The following AFF2 variants were observed in gnomAD, a reference collection of about 807,000 sequenced individuals.
The protein encoded by AFF2 is AF4/FMR2 family member 2.
AFF2 carries 14 observed loss-of-function variants against 76.9 expected under a neutral mutation model. The ratio of observed to expected loss-of-function variants is 0.18; its 90% CI spans 0.12 to 0.28. AFF2 has a LOEUF of 0.28. Among genes scored for constraint, AFF2 ranks in the 10% least tolerant of loss-of-function variants. The pLI is 1.00. For synonymous variants in AFF2, 398 were observed against 366.7 expected, an observed-to-expected ratio of 1.09 and a Z score of -0.98; for missense variants, 868 against 1,001.1, an observed-to-expected ratio of 0.87 and a Z score of 1.79.
At chrX:148,656,757 C>T (rs1453888199) in intron 2 of AFF2, among the ~76,000 whole-genome samples, 3 of 110,422 alleles carry the variant, frequency 2.7e-5, no homozygotes, top group Non-Finnish European at 5.7e-5. Flanking sequence ...GCCTCGGCCT[C>T]CCAAAGTGCT....
chrX:148,860,747 G>A (rs2070838427), intron 7 of AFF2, among the ~76,000 whole-genome samples: 1 of 111,669 alleles, frequency 9.0e-6, no homozygotes. Context: ...ACATTATATG[G>A]CTTTTCTACT....
chrX:148,928,541 T>A (rs1453360141), intron 9 of AFF2, among the ~76,000 whole-genome samples: 1 of 112,249 alleles, frequency 8.9e-6, no homozygotes, highest in Non-Finnish European at 1.9e-5. Context: ...AATTTGGGAG[T>A]CATCCCGGGA....
intron 7 of AFF2, among the ~76,000 whole-genome samples, chrX:148,856,777 T>C (rs1003065376): frequency 8.9e-6 from 1 of 112,746 alleles, no homozygotes; most frequent in Non-Finnish European, 1.9e-5. Flanking sequence ...ATAACAAGCA[T>C]GTTGTCAATT....
chrX:148,657,110 A>G (rs2054261451), intron 2 of AFF2, among the ~76,000 whole-genome samples: 1 of 111,526 alleles, frequency 9.0e-6, no homozygotes, highest in African/African-American at 3.3e-5. Context: ...TGCACAGAGG[A>G]TTATTAAATG....
At chrX:148,564,230 C>T (rs2053144337) in intron 1 of AFF2, among the ~76,000 whole-genome samples, 1 of 111,261 alleles carries the variant, frequency 9.0e-6, no homozygotes, top group African/African-American at 3.3e-5. Context: ...CCTTTGAATT[C>T]AATCCCAGAT....
intron 3 of AFF2, among the ~76,000 whole-genome samples, chrX:148,788,521 G>A (rs1432558965): frequency 8.9e-6 from 1 of 111,960 alleles, no homozygotes; most frequent in Non-Finnish European, 1.9e-5. Context: ...CCTTCCCACT[G>A]TCCTGCCTCT....
chrX:148,703,537 G>C (rs1215801128), intron 3 of AFF2, among the ~76,000 whole-genome samples: 3 of 112,182 alleles, frequency 2.7e-5, no homozygotes, highest in Non-Finnish European at 3.8e-5. Flanking sequence ...TATTCTAGGT[G>C]AGGCATGGAT....
At chrX:148,620,830 C>T (rs1312283121) in intron 1 of AFF2, among the ~76,000 whole-genome samples, 1 of 111,676 alleles carries the variant, frequency 9.0e-6, no homozygotes, top group Non-Finnish European at 1.9e-5. Context: ...TCATGAAAAC[C>T]TTTTATCAGA....
chrX:148,879,114 A>G (rs1206359171), intron 7 of AFF2, among the ~76,000 whole-genome samples: 1 of 112,016 alleles, frequency 8.9e-6, no homozygotes, highest in Non-Finnish European at 1.9e-5. Flanking sequence ...ATATAGACAT[A>G]GATTCATATG....
At chrX:148,860,510 A>C (rs944913165) in intron 7 of AFF2, among the ~76,000 whole-genome samples, 6 of 111,819 alleles carry the variant, frequency 5.4e-5, no homozygotes, top group Non-Finnish European at 1.1e-4. Flanking sequence ...TGAATAGAGC[A>C]AAATGACGCT....
In AFF2 at chrX:148,741,446, A is replaced by G. The variant is rs1603292317; in HGVS notation, c.1042-68430A>G. On this transcript the variant is annotated intron_variant, in intron 3 of 20. Coordinates refer to ENST00000370460, the MANE Select transcript of AFF2 (RefSeq NM_002025.4). ...AAGCTGGCAGTCACAGGCCTCACCT[A>G]GCTCCCACGCAAACTGAATGGTCAG... 4.5e-5 allele frequency among the ~76,000 whole-genome samples: 5 copies of G among 110,471 alleles called. No homozygotes were observed. The East Asian group carries it at 1.2e-3, about 25-fold the overall frequency.
At chrX:148,604,515 C>T (rs1007108075) in intron 1 of AFF2, among the ~76,000 whole-genome samples, 5 of 112,187 alleles carry the variant, frequency 4.5e-5, no homozygotes, top group Non-Finnish European at 9.4e-5. Context: ...ACCTTGGCCT[C>T]TCAAAGTGCT....
chrX:148,522,886 T>C (rs1309193682), intron 1 of AFF2, among the ~76,000 whole-genome samples: 1 of 112,792 alleles, frequency 8.9e-6, no homozygotes, highest in Non-Finnish European at 1.9e-5. Flanking sequence ...AGTATAAAGA[T>C]CTGCTCTACG....
chrX:148,695,246 G>A (rs1005792556), intron 3 of AFF2, among the ~76,000 whole-genome samples: 6 of 111,729 alleles, frequency 5.4e-5, no homozygotes, highest in Admixed American at 2.8e-4. Context: ...AATTGTATTC[G>A]TATGGTCAGG....
chrX:148,825,722 G>A (rs1342130296), intron 4 of AFF2, among the ~76,000 whole-genome samples: 3 of 106,207 alleles, frequency 2.8e-5, no homozygotes, highest in African/African-American at 1.0e-4. Flanking sequence ...AGTCTCTGTG[G>A]GTGGCTTGCA....
intron 1 of AFF2, among the ~76,000 whole-genome samples, chrX:148,614,323 G>A (rs781989231): frequency 1.8e-5 from 2 of 111,710 alleles, no homozygotes; most frequent in East Asian, 2.8e-4. Context: ...AGCTGAATTG[G>A]CCCTTTGAAT....
intron 3 of AFF2, among the ~76,000 whole-genome samples, chrX:148,764,727 T>G (rs572463190): frequency 8.9e-6 from 1 of 112,451 alleles, no homozygotes; most frequent in African/African-American, 3.2e-5. Context: ...GAAAAGAGTG[T>G]GTATGACAGT....
chrX:148,837,488 A>G (rs2070540857), intron 4 of AFF2, among the ~76,000 whole-genome samples, 159 bp from the exon 5 acceptor site: 1 of 111,857 alleles, frequency 8.9e-6, no homozygotes, highest in South Asian at 3.8e-4. Context: ...GCAGTTTGCA[A>G]GCATCTGCTG....
intron 1 of AFF2, among the ~76,000 whole-genome samples, chrX:148,533,648 T>C (rs1326520934): frequency 8.9e-6 from 1 of 111,832 alleles, no homozygotes; most frequent in Non-Finnish European, 1.9e-5. Context: ...AGAATCTAGA[T>C]TGATGACAAG....
Sources: gnomAD v4.1 joint callset for allele counts (sites outside exome capture counted in the v4.1 genomes callset) on GRCh38, gnomAD v4.1.1 for gene constraint, MANE v1.5 for transcripts, NCBI Gene and HGNC (gene_info 2026-07-23, HGNC 2026-07-21) for gene names.